Variants in PDAP1 observed in about 807,000 individuals in gnomAD.
PDAP1 encodes 28 kDa heat- and acid-stable phosphoprotein.
In PDAP1, 13 loss-of-function variants were observed where a neutral mutation model predicts 28.0. That is an observed-to-expected ratio of 0.46 (90% CI 0.30 to 0.74). PDAP1 has a LOEUF of 0.74. Among genes scored for constraint, PDAP1 ranks in the 30% least tolerant of loss-of-function variants. The probability of loss-of-function intolerance (pLI) is 0.07; values close to 1 mark genes in which losing one functional copy is unlikely to be tolerated. For missense variants in PDAP1, 150 were observed against 230.0 expected (o/e 0.65, Z 2.25); for synonymous variants, 77 against 85.1 (o/e 0.91, Z 0.52).
At chr7:99,404,208 G>A (rs1051589816) in intron 2 of PDAP1, among the ~76,000 whole-genome samples, 4 of 152,158 alleles carry the variant, frequency 2.6e-5, no homozygotes, top group Admixed American at 6.5e-5. Flanking sequence ...CCTGGGGTAC[G>A]TCACAGCTGT....
At position 99,396,617 on chromosome 7, in the gene PDAP1, C is replaced by T. The variant is rs572767859; in HGVS notation, c.*65G>A. 1.1e-5 allele frequency: 15 copies of T among 1,331,838 alleles called. No individual in the cohort carries two copies. The East Asian group carries it at 2.6e-4, about 23-fold the overall frequency. The allele number at this position is 1,331,838 out of a possible 1,614,324, so 82.5% of individuals were successfully genotyped here. ...CAGCGGCGCCAGGGCACAGGGTGGG[C>T]GAGACACAGCAGAGGTCCTGGCAGC... On this transcript the variant is annotated 3_prime_UTR_variant, in exon 6 of 6. Transcript: ENST00000350498.
rs115765395 is a variant in PDAP1, at chr7:99,404,743, G to A, written c.105+119C>T. ...CACACCTGGGGCTCACTGCCCGCCC[G>A]ACCCCCACGTGCTGGCTTGTCCCTG... On this transcript the variant is annotated intron_variant, in intron 2 of 5. Transcript: ENST00000350498. 2,766 of 697,416 alleles carry A rather than the reference G, an allele frequency of 4.0e-3. 53 individuals are homozygous for A. In the African/African-American group the frequency reaches 0.041, roughly 10 times the overall value. The allele number at this position is 697,416 out of a possible 1,614,324, so 43.2% of individuals were successfully genotyped here.
At position 99,399,484 on chromosome 7, in the gene PDAP1, C is replaced by T. The variant is rs191879433; in HGVS notation, c.335+819G>A. On this transcript the variant is annotated intron_variant, in intron 4 of 5. Coordinates refer to ENST00000350498, the MANE Select transcript of PDAP1 (RefSeq NM_014891.7). Reference sequence around the variant, plus strand: ...GATGCCCAGAAAGGCACAGCCTTATCGAAGGCTGCACAGCTGCCAATGGCA... The same window carrying T: ...GATGCCCAGAAAGGCACAGCCTTATTGAAGGCTGCACAGCTGCCAATGGCA... 4.2e-3 allele frequency among the ~76,000 whole-genome samples: 634 copies of T among 152,180 alleles called. 4 individuals are homozygous for T. Among genetic ancestry groups the T allele is most frequent in the African/African-American group, 0.015 (608 of 41,506 alleles).
chr7:99,399,387 G>A (rs543394470), intron 4 of PDAP1, among the ~76,000 whole-genome samples: 30 of 152,208 alleles, frequency 2.0e-4, no homozygotes, highest in Non-Finnish European at 4.1e-4. Context: ...CAAAATGCCA[G>A]GCAGGGTGTC....
intron 1 of PDAP1, among the ~76,000 whole-genome samples, chr7:99,405,474 C>T (rs887676333): frequency 6.6e-6 from 1 of 152,242 alleles, no homozygotes; most frequent in South Asian, 2.1e-4. Context: ...ATTCTCCTGC[C>T]TCAGCCTCCC....
chr7:99,404,848 A>G lies in PDAP1; in HGVS notation c.105+14T>C. 6.2e-7 allele frequency: 1 copy of G among 1,606,482 alleles called. No individual in the cohort carries two copies. The highest frequency in any genetic ancestry group is 2.2e-5 in the East Asian group (1 of 44,842). On this transcript the variant is annotated intron_variant, in intron 2 of 5. Coordinates refer to ENST00000350498, the MANE Select transcript of PDAP1 (RefSeq NM_014891.7). Reference sequence around the variant, plus strand: ...CCTGGGCCACTGGCGTGGCCTGGACAGGCACGTACTCACCCTGGCCTTCTG... The same window carrying G: ...CCTGGGCCACTGGCGTGGCCTGGACGGGCACGTACTCACCCTGGCCTTCTG...
chr7:99,401,098 G>C (rs1794858318), intron 3 of PDAP1, among the ~76,000 whole-genome samples: 1 of 152,046 alleles, frequency 6.6e-6, no homozygotes, highest in African/African-American at 2.4e-5. Context: ...ACTCCACAGA[G>C]CTCCCTCCAC....
chr7:99,396,832 A>G, intron 5 of PDAP1, 92 bp from the exon 6 acceptor site: 1 of 965,562 alleles, frequency 1.0e-6, no homozygotes. Flanking sequence ...TTAGGTCTGA[A>G]AGGCTGCAGA....
At chr7:99,404,718 C>T (rs1254389901) in intron 2 of PDAP1, 144 bp downstream of exon 2, 5 of 603,026 alleles carry the variant, frequency 8.3e-6, no homozygotes, top group Non-Finnish European at 1.5e-5. Context: ...TTCTGAGACT[C>T]ACACCTGGGG....
In PDAP1 at chr7:99,394,779, TAAAAAAAAAAA is replaced by T. The variant is rs773085531; in HGVS notation, c.*1892_*1902del. On this transcript the variant is annotated 3_prime_UTR_variant, in exon 6 of 6. Coordinates refer to ENST00000350498, the MANE Select transcript of PDAP1 (RefSeq NM_014891.7). ...GTGGAGGTAATAAAATGCAACTGTG[TAAAAAAAAAAA>T]AAAAAAAAAAAGTAATTATGGACAT... 2 of 957,550 alleles carry T rather than the reference TAAAAAAAAAAA, an allele frequency of 2.1e-6. No homozygotes were observed. Among genetic ancestry groups the T allele is most frequent in the Non-Finnish European group, 2.5e-6 (2 of 809,052 alleles). 59.3% of individuals were successfully genotyped at this position (957,550 alleles called of 1,614,324 possible). A position where few individuals can be genotyped will look rare whatever the true frequency, so the allele number is the denominator to read the frequency against.
Position 99,395,614 on chromosome 7 carries a change from G to A in PDAP1, c.*1068C>T, listed in dbSNP as rs1302867790. The A allele has an allele frequency of 4.6e-5, 7 of 152,234 alleles. No homozygotes were observed. The highest frequency in any genetic ancestry group is 1.7e-4 in the African/African-American group (7 of 41,434). 9.4% of individuals were successfully genotyped at this position (152,234 alleles called of 1,614,324 possible). On this transcript the variant is annotated 3_prime_UTR_variant, in exon 6 of 6. Coordinates refer to ENST00000350498, the MANE Select transcript of PDAP1 (RefSeq NM_014891.7). ...TTTGTGGCTTCTCTCAGGAAAATGT[G>A]GGCCTTGGCGACATCCAATGCTAGT...
chr7:99,394,800 A>T lies in PDAP1; in HGVS notation c.*1882T>A, dbSNP rs1050129030. 1 of 1,199,244 alleles carries T rather than the reference A, an allele frequency of 8.3e-7. No individual in the cohort carries two copies. The highest frequency in any genetic ancestry group is 1.6e-5 in the African/African-American group (1 of 62,110). 74.3% of individuals were successfully genotyped at this position (1,199,244 alleles called of 1,614,324 possible). On this transcript the variant is annotated 3_prime_UTR_variant, in exon 6 of 6. Coordinates refer to ENST00000350498, the MANE Select transcript of PDAP1 (RefSeq NM_014891.7). ...TGTGTAAAAAAAAAAAAAAAAAAAAAAGTAATTATGGACATGCTTGCCTAT... is the reference window on the plus strand; with the variant it reads ...TGTGTAAAAAAAAAAAAAAAAAAAATAGTAATTATGGACATGCTTGCCTAT...
At chr7:99,405,330 T>G (rs1449527178) in intron 1 of PDAP1, among the ~76,000 whole-genome samples, 1 of 151,580 alleles carries the variant, frequency 6.6e-6, no homozygotes, top group Non-Finnish European at 1.5e-5. Context: ...AAGGGCTTTT[T>G]ACACGATGTT....
At chr7:99,398,573 A>G (rs1355731050) in intron 4 of PDAP1, among the ~76,000 whole-genome samples, 1 of 152,186 alleles carries the variant, frequency 6.6e-6, no homozygotes, top group Non-Finnish European at 1.5e-5. Context: ...CACATGGCTA[A>G]GGCAGCATGG....
Position 99,394,684 on chromosome 7 carries a change from T to G in PDAP1, c.*1998A>C. 1 of 1,305,552 alleles carries G rather than the reference T, an allele frequency of 7.7e-7. No homozygotes were observed. Among genetic ancestry groups the G allele is most frequent in the Non-Finnish European group, 9.6e-7 (1 of 1,037,750 alleles). The allele number at this position is 1,305,552 out of a possible 1,614,324, so 80.9% of individuals were successfully genotyped here. A position where few individuals can be genotyped will look rare whatever the true frequency, so the allele number is the denominator to read the frequency against. On this transcript the variant is annotated 3_prime_UTR_variant, in exon 6 of 6. Transcript: ENST00000350498. ...AAGGAATACGTGCCTTTTTCTTAAA[T>G]GCTTTCATTTATTGAAAAAAAAAAA...
At chr7:99,404,787 C>G in intron 2 of PDAP1, 75 bp downstream of exon 2, 3 of 1,212,052 alleles carry the variant, frequency 2.5e-6, no homozygotes, top group Non-Finnish European at 3.6e-6. Flanking sequence ...TAGTCCTTGC[C>G]TGGCCTCTCT....
At chr7:99,404,775 G>A (rs1161966127) in intron 2 of PDAP1, 87 bp downstream of exon 2, 2 of 1,014,332 alleles carry the variant, frequency 2.0e-6, no homozygotes, top group East Asian at 4.9e-5. Flanking sequence ...CCTGCGAATG[G>A]GTAGTCCTTG....
intron 3 of PDAP1, among the ~76,000 whole-genome samples, chr7:99,400,737 G>A (rs2150905014): frequency 1.3e-5 from 2 of 152,300 alleles, no homozygotes; most frequent in South Asian, 4.1e-4. Flanking sequence ...CCTACTTCAA[G>A]CTCGGCTTCC....
In PDAP1 at chr7:99,400,289, G is replaced by A; in HGVS notation, c.335+14C>T. Reference sequence around the variant, plus strand: ...TGTATTCCCCGTGACACAAGGCCCAGCCAGTGATGTTACCGTTCTCTCCTC... The same window carrying A: ...TGTATTCCCCGTGACACAAGGCCCAACCAGTGATGTTACCGTTCTCTCCTC... On this transcript the variant is annotated intron_variant, in intron 4 of 5. Transcript: ENST00000350498. The A allele has an allele frequency of 6.2e-7, 1 of 1,612,930 alleles. No individual in the cohort carries two copies. Among genetic ancestry groups the A allele is most frequent in the South Asian group, 1.1e-5 (1 of 91,022 alleles).
Sources: gnomAD v4.1 joint callset for allele counts (sites outside exome capture counted in the v4.1 genomes callset) on GRCh38, gnomAD v4.1.1 for gene constraint, MANE v1.5 for transcripts, NCBI Gene and HGNC (gene_info 2026-07-23, HGNC 2026-07-21) for gene names.